Variants in PUM1 observed in about 807,000 individuals in gnomAD.
PUM1 encodes the protein pumilio RNA binding family member 1, also known as pumilio homolog 1.
A neutral mutation model predicts 131.8 loss-of-function variants in PUM1; 13 were observed. The observed-to-expected ratio is 0.10, with a 90% CI of 0.06 to 0.16. The LOEUF is 0.16. Ranked by LOEUF, PUM1 falls within the 10% of genes least tolerant of loss-of-function variation. The pLI, the probability that PUM1 is intolerant of heterozygous loss-of-function variation, is 1.00. For synonymous variants in PUM1, 509 were observed against 556.5 expected (o/e 0.91, Z 1.20); for missense variants, 961 against 1,512.4 (o/e 0.64, Z 6.05).
At chr1:31,048,303 A>G (rs1644019502) in intron 2 of PUM1, among the ~76,000 whole-genome samples, 1 of 151,766 alleles carries the variant, frequency 6.6e-6, no homozygotes, top group Admixed American at 6.6e-5. Context: ...ATTACTTTAC[A>G]GTTTACAAAG....
At chr1:30,997,495 CTTTT>C (rs9286937) in intron 5 of PUM1, among the ~76,000 whole-genome samples, 26,940 of 129,600 alleles carry the variant, frequency 0.21, 2,863 homozygotes, top group East Asian at 0.53. Context: ...TGAAACTCGT[CTTTT>C]TTTTTTTTTT....
intron 1 of PUM1, 146 bp downstream of exon 1, chr1:31,065,470 G>T (rs1644463547): frequency 1.1e-5 from 9 of 799,708 alleles, no homozygotes; most frequent in South Asian, 7.3e-5. Flanking sequence ...GAGGAACAGC[G>T]AGTGAGAAGC....
At chr1:30,976,853 T>C (rs1210844511) in intron 9 of PUM1, among the ~76,000 whole-genome samples, 4 of 148,574 alleles carry the variant, frequency 2.7e-5, no homozygotes, top group East Asian at 1.9e-4. Context: ...AAAAGAGTGA[T>C]AGAGCCTCAT....
chr1:31,045,376 G>A (rs539020542), intron 2 of PUM1, among the ~76,000 whole-genome samples: 2 of 152,096 alleles, frequency 1.3e-5, no homozygotes, highest in African/African-American at 4.8e-5. Flanking sequence ...GGCCTCAGAC[G>A]ATCCACCCAC....
intron 2 of PUM1, among the ~76,000 whole-genome samples, chr1:31,032,116 G>T (rs6656007): frequency 0.67 from 101,693 of 152,100 alleles, 34,991 homozygotes; most frequent in East Asian, 0.87. Context: ...TTTTAAACCA[G>T]TCACCCACGT....
Position 30,953,994 on chromosome 1 carries a change from G to C in PUM1, c.2324-13C>G, listed in dbSNP as rs957471528. The C allele has an allele frequency of 2.5e-6, 4 of 1,611,056 alleles. No homozygotes were observed. Among genetic ancestry groups the C allele is most frequent in the Non-Finnish European group, 3.4e-6 (4 of 1,177,748 alleles). On this transcript the variant is annotated splice_polypyrimidine_tract_variant and intron_variant, in intron 14 of 21. Coordinates refer to ENST00000426105, the MANE Select transcript of PUM1 (RefSeq NM_001020658.2). ...TTCGTGAGTCCTCCTGTTGGTTACA[G>C]AACAGGATAACTTAAGACCACTCTT...
chr1:30,975,103 G>A (rs972814345), intron 9 of PUM1, among the ~76,000 whole-genome samples: 3 of 152,184 alleles, frequency 2.0e-5, no homozygotes, highest in Non-Finnish European at 2.9e-5. Flanking sequence ...GATGGAGGAT[G>A]TAGCATAGAG....
chr1:31,050,437 T>C (rs1312523478), intron 2 of PUM1, among the ~76,000 whole-genome samples: 1 of 151,988 alleles, frequency 6.6e-6, no homozygotes, highest in East Asian at 1.9e-4. Context: ...TGAGCCTAGA[T>C]AGTGCCAGTG....
chr1:30,960,441 G>C (rs2124430267), intron 14 of PUM1, among the ~76,000 whole-genome samples: 1 of 152,232 alleles, frequency 6.6e-6, no homozygotes, highest in South Asian at 2.1e-4. Flanking sequence ...AAGTCATCCA[G>C]ATTGGGAAAT....
chr1:30,957,273 TTTG>T (rs1180793849), intron 14 of PUM1, among the ~76,000 whole-genome samples: 1 of 152,228 alleles, frequency 6.6e-6, no homozygotes, highest in East Asian at 1.9e-4. Context: ...AGCTTAAATT[TTTG>T]CTCTAAATTG....
chr1:30,999,610 A>C (rs1448924679), intron 5 of PUM1, among the ~76,000 whole-genome samples: 1 of 5,896 alleles, frequency 1.7e-4, no homozygotes, highest in African/African-American at 5.8e-4. Flanking sequence ...CTGTCTCAAA[A>C]AAAAAAAAAA....
At chr1:30,977,994 C>T (rs1279563485) in intron 9 of PUM1, among the ~76,000 whole-genome samples, 2 of 152,182 alleles carry the variant, frequency 1.3e-5, no homozygotes, top group African/African-American at 4.8e-5. Context: ...ACTGTAATCC[C>T]AGCACTCTGG....
chr1:31,063,851 G>A (rs574904285), intron 1 of PUM1, among the ~76,000 whole-genome samples: 1 of 152,312 alleles, frequency 6.6e-6, no homozygotes, highest in South Asian at 2.1e-4. Flanking sequence ...AAACCTGGCA[G>A]AACAGTTTCA....
At chr1:30,969,327 A>G (rs1034587812) in intron 10 of PUM1, among the ~76,000 whole-genome samples, 29 of 148,134 alleles carry the variant, frequency 2.0e-4, no homozygotes, top group Admixed American at 1.0e-3. Flanking sequence ...AAAAAAAAAA[A>G]AAAAAAAAAG....
intron 3 of PUM1, among the ~76,000 whole-genome samples, chr1:31,011,347 T>C (rs1642613084): frequency 6.6e-6 from 1 of 152,218 alleles, no homozygotes; most frequent in Admixed American, 6.5e-5. Flanking sequence ...CCATTTCTAA[T>C]ATTTAAATGT....
rs776544462 is a variant in PUM1 at position 30,942,046 on chromosome 1, T to C, written c.3072A>G (p.Thr1024=). 2 of 1,601,800 alleles carry C rather than the reference T, an allele frequency of 1.2e-6. No individual in the cohort carries two copies. Among genetic ancestry groups the C allele is most frequent in the Admixed American group, 1.7e-5 (1 of 59,584 alleles). Residue 1024 remains threonine (T), a synonymous_variant, in exon 19 of 22, where the codon ACA becomes ACG. Transcript: ENST00000426105. ...RILEHCLPDQ[T]LPILEELHQH... is the part of the protein sequence containing the mutation. ...GGTGAAGCTCCTCTAAAATAGGGAG[T>C]GTCTGGTCAGGGAGACAGTGCTCCA... is the stretch of plus-strand genomic sequence containing the variant.
At chr1:31,008,309 G>A (rs967567587) in intron 3 of PUM1, among the ~76,000 whole-genome samples, 1 of 151,962 alleles carries the variant, frequency 6.6e-6, no homozygotes, top group Non-Finnish European at 1.5e-5. Context: ...CTATCTCATG[G>A]ACTTGGGTTA....
chr1:30,975,442 C>A (rs1641096319), intron 9 of PUM1, among the ~76,000 whole-genome samples: 1 of 151,886 alleles, frequency 6.6e-6, no homozygotes, highest in South Asian at 2.1e-4. Context: ...CCCTGACCTC[C>A]CCGGCTTAAG....
intron 2 of PUM1, among the ~76,000 whole-genome samples, chr1:31,056,598 C>CCTTTTCTTTT (rs772254478): frequency 3.2e-5 from 4 of 126,230 alleles, no homozygotes; most frequent in Non-Finnish European, 5.0e-5. Flanking sequence ...TGAAAACCTT[C>CCTTTTCTTTT]CTTTTCTTTT....
Sources: allele counts gnomAD v4.1 joint callset (sites outside exome capture counted in the v4.1 genomes callset), GRCh38; gene constraint gnomAD v4.1.1; transcripts MANE v1.5; gene names NCBI Gene and HGNC (gene_info 2026-07-23, HGNC 2026-07-21).